The following ABI2 variants were observed in gnomAD, a reference collection of about 807,000 sequenced individuals.
ABI2 encodes abelson interactor 2.
A neutral mutation model predicts 59.2 loss-of-function variants in ABI2; 25 were observed. The ratio of observed to expected loss-of-function variants is 0.42; its 90% confidence interval spans 0.31 to 0.59. The LOEUF is 0.59. Among genes scored for constraint, ABI2 ranks in the 20% least tolerant of loss-of-function variants. The probability of loss-of-function intolerance (pLI) is 0.14; values close to 1 mark genes in which losing one functional copy is unlikely to be tolerated. For synonymous variants in ABI2, 213 were observed against 235.5 expected (o/e 0.90, Z 0.87); for missense variants, 545 against 681.8 (o/e 0.80, Z 2.23).
intron 9 of ABI2, among the ~76,000 whole-genome samples, chr2:203,406,821 G>A (rs186172980): frequency 7.9e-5 from 12 of 152,108 alleles, no homozygotes; most frequent in South Asian, 2.1e-4. Context: ...GTGCCACCAC[G>A]CCTGGCTCTT....
chr2:203,337,470 A>G (rs565516059), intron 1 of ABI2, among the ~76,000 whole-genome samples: 1 of 152,356 alleles, frequency 6.6e-6, no homozygotes, highest in South Asian at 2.1e-4. Flanking sequence ...ACTATAAGAC[A>G]TTTATGAAAG....
chr2:203,419,078 G>C (rs1451170360), intron 11 of ABI2, among the ~76,000 whole-genome samples: 1 of 149,376 alleles, frequency 6.7e-6, no homozygotes, highest in Non-Finnish European at 1.5e-5. Flanking sequence ...TCTTTACTTA[G>C]CAAAAATATC....
In ABI2 at chr2:203,402,550, A is replaced by G. The variant is rs371068670; in HGVS notation, c.1034-26A>G. ...TCTGAGATAATTTTCTTTTAATGACATATGTATGTTCTATCTCTTTTTCAG... is the reference window on the plus strand; with the variant it reads ...TCTGAGATAATTTTCTTTTAATGACGTATGTATGTTCTATCTCTTTTTCAG... On this transcript the variant is annotated intron_variant, in intron 8 of 11. Coordinates refer to ENST00000261018, the MANE Select transcript of ABI2 (RefSeq NM_001375670.1). 6 of 1,421,102 alleles carry G rather than the reference A, an allele frequency of 4.2e-6. No homozygotes were observed. In the African/African-American group the frequency reaches 4.4e-5, roughly 10 times the overall value. The allele number at this position is 1,421,102 out of a possible 1,614,324, so 88.0% of individuals were successfully genotyped here. A position where few individuals can be genotyped will look rare whatever the true frequency, so the allele number is the denominator to read the frequency against.
At chr2:203,375,866 C>T (rs2095644459) in intron 2 of ABI2, 1 of 403,536 alleles carries the variant, frequency 2.5e-6, no homozygotes, top group Non-Finnish European at 4.4e-6. Flanking sequence ...TGCTCTCTGT[C>T]AAATTATTCA....
At chr2:203,359,981 T>C (rs527845603) in intron 1 of ABI2, among the ~76,000 whole-genome samples, 72 of 151,814 alleles carry the variant, frequency 4.7e-4, no homozygotes, top group African/African-American at 1.7e-3. Context: ...GGTCAAGAGA[T>C]TGAGACCATC....
chr2:203,373,560 T>A (rs1417450496), intron 2 of ABI2, among the ~76,000 whole-genome samples: 2 of 152,102 alleles, frequency 1.3e-5, no homozygotes, highest in Non-Finnish European at 2.9e-5. Context: ...AGGCCCATCT[T>A]TTTTCTTTGC....
In ABI2 at chr2:203,431,220, A is replaced by G. The variant is rs899517298; in HGVS notation, c.*3868A>G. The G allele has an allele frequency of 1.3e-5, 2 of 152,648 alleles. No homozygotes were observed. Among genetic ancestry groups the G allele is most frequent in the African/African-American group, 4.8e-5 (2 of 41,450 alleles). 9.5% of individuals were successfully genotyped at this position (152,648 alleles called of 1,614,324 possible). ...TTTTAAAATTTCTGGTTGTCTCATT[A>G]GACTGATGAGGTGAGTTTTCTTCTT... On this transcript the variant is annotated 3_prime_UTR_variant, in exon 12 of 12. Coordinates refer to ENST00000261018, the MANE Select transcript of ABI2 (RefSeq NM_001375670.1).
intron 1 of ABI2, among the ~76,000 whole-genome samples, chr2:203,330,853 G>C (rs1347569778): frequency 6.6e-6 from 1 of 152,054 alleles, no homozygotes; most frequent in Non-Finnish European, 1.5e-5. Context: ...AAAAGGATAA[G>C]GATTATTAAA....
intron 1 of ABI2, among the ~76,000 whole-genome samples, chr2:203,348,917 GTTTT>G (rs551511851): frequency 6.7e-6 from 1 of 150,366 alleles, no homozygotes; most frequent in Admixed American, 6.6e-5. Flanking sequence ...GTTTTTTTTT[GTTTT>G]TTGTTTGTTT....
intron 1 of ABI2, among the ~76,000 whole-genome samples, chr2:203,339,588 A>C (rs915688137): frequency 2.1e-4 from 32 of 151,910 alleles, no homozygotes; most frequent in Admixed American, 5.9e-4. Flanking sequence ...CTCAAAAAAA[A>C]AAAAAAAAAG....
intron 1 of ABI2, among the ~76,000 whole-genome samples, chr2:203,361,674 C>T (rs933273578): frequency 6.6e-6 from 1 of 152,096 alleles, no homozygotes; most frequent in Non-Finnish European, 1.5e-5. Context: ...TGAAGAATGA[C>T]CTGTTTTCAA....
At chr2:203,361,584 G>C (rs2093515872) in intron 1 of ABI2, among the ~76,000 whole-genome samples, 1 of 152,122 alleles carries the variant, frequency 6.6e-6, no homozygotes, top group African/African-American at 2.4e-5. Context: ...GAAGTTGACA[G>C]AATGCTAAGG....
intron 1 of ABI2, among the ~76,000 whole-genome samples, chr2:203,336,013 T>C (rs1008013762): frequency 1.3e-5 from 2 of 152,206 alleles, no homozygotes; most frequent in Non-Finnish European, 2.9e-5. Flanking sequence ...AGTTTTTGCC[T>C]TTTCCAGAAT....
chr2:203,354,003 G>A (rs959239816), intron 1 of ABI2, among the ~76,000 whole-genome samples: 1 of 152,250 alleles, frequency 6.6e-6, no homozygotes, highest in South Asian at 2.1e-4. Context: ...ATCTATATAA[G>A]TAATCACAGC....
At chr2:203,364,187 G>C (rs569495971) in intron 1 of ABI2, among the ~76,000 whole-genome samples, 1 of 151,432 alleles carries the variant, frequency 6.6e-6, no homozygotes, top group Non-Finnish European at 1.5e-5. Context: ...CCCGCCTCCT[G>C]GGTTCAAGTG....
chr2:203,346,086 G>A (rs2083337185), intron 1 of ABI2, among the ~76,000 whole-genome samples: 1 of 151,332 alleles, frequency 6.6e-6, no homozygotes, highest in Non-Finnish European at 1.5e-5. Context: ...GGAGGTGGTG[G>A]TTGCAGTGAA....
chr2:203,363,147 T>C (rs917263024), intron 1 of ABI2, among the ~76,000 whole-genome samples: 2 of 18,162 alleles, frequency 1.1e-4, no homozygotes, highest in Admixed American at 8.4e-4. Flanking sequence ...TAAATACTTT[T>C]ACATTAAAAA....
chr2:203,366,094 T>G (rs2094413006), intron 1 of ABI2, among the ~76,000 whole-genome samples: 1 of 152,212 alleles, frequency 6.6e-6, no homozygotes, highest in Non-Finnish European at 1.5e-5. Flanking sequence ...GATAGAAATC[T>G]TAATTTTAAA....
intron 11 of ABI2, among the ~76,000 whole-genome samples, chr2:203,425,696 C>G (rs1411810223): frequency 6.6e-6 from 1 of 152,108 alleles, no homozygotes; most frequent in Non-Finnish European, 1.5e-5. Context: ...TTGAGAAATG[C>G]ACACTGATCT....
Sources: gnomAD v4.1 joint callset for allele counts (sites outside exome capture counted in the v4.1 genomes callset) on GRCh38, gnomAD v4.1.1 for gene constraint, MANE v1.5 for transcripts, NCBI Gene and HGNC (gene_info 2026-07-23, HGNC 2026-07-21) for gene names.